EMC8: variants seen among roughly 807,000 people sequenced by gnomAD.
EMC8 encodes ER membrane protein complex subunit 8, also known as COX4 neighbor.
EMC8 carries 11 observed loss-of-function variants against 24.3 expected under a neutral mutation model. That is an observed-to-expected ratio of 0.45 (90% confidence interval 0.28 to 0.75). The LOEUF is 0.75. Ranked by LOEUF, EMC8 falls within the 30% of genes least tolerant of loss-of-function variation. The pLI is 0.12. For missense variants in EMC8, 277 were observed against 282.7 expected (o/e 0.98, Z 0.14); for synonymous variants, 145 against 117.7 (o/e 1.23, Z -1.50).
intron 1 of EMC8, among the ~76,000 whole-genome samples, chr16:85,796,725 G>C (rs989678382): frequency 2.6e-5 from 4 of 152,138 alleles, no homozygotes; most frequent in Non-Finnish European, 5.9e-5. Flanking sequence ...CTGGTCCCTT[G>C]AATGTTCTCC....
At chr16:85,782,434 TCTATC>T (rs2152072681) in intron 2 of EMC8, among the ~76,000 whole-genome samples, 1 of 152,338 alleles carries the variant, frequency 6.6e-6, no homozygotes, top group East Asian at 1.9e-4. Flanking sequence ...AAGTTATTCT[TCTATC>T]CTATGCCAGG....
chr16:85,798,127 T>G (rs1410784704), intron 1 of EMC8, among the ~76,000 whole-genome samples: 2 of 142,068 alleles, frequency 1.4e-5, no homozygotes, highest in Non-Finnish European at 3.1e-5. Flanking sequence ...TTTTTTTTTT[T>G]TTTTTTTTTT....
intron 1 of EMC8, among the ~76,000 whole-genome samples, chr16:85,797,945 T>G (rs1417352853): frequency 6.6e-6 from 1 of 152,158 alleles, no homozygotes. Context: ...TTCCCTTCAT[T>G]GATCACCGGA....
chr16:85,798,413 C>T (rs1165093704), intron 1 of EMC8, among the ~76,000 whole-genome samples: 1 of 152,130 alleles, frequency 6.6e-6, no homozygotes, highest in African/African-American at 2.4e-5. Flanking sequence ...TCAGCCACCG[C>T]GCCCGGCCCC....
At chr16:85,780,521 C>T (rs1020424457) in intron 3 of EMC8, 48 bp from the exon 4 acceptor site, 3 of 1,425,376 alleles carry the variant, frequency 2.1e-6, no homozygotes, top group African/African-American at 1.4e-5. Flanking sequence ...GCCAGCCAAA[C>T]AGCAGCGGCA....
intron 2 of EMC8, 33 bp downstream of exon 2, chr16:85,788,941 T>G: frequency 4.6e-6 from 7 of 1,534,474 alleles, no homozygotes; most frequent in Non-Finnish European, 6.3e-6. Flanking sequence ...CGTGCTCACT[T>G]CCTCGCCCAC....
At chr16:85,788,826 A>G in intron 2 of EMC8, 148 bp downstream of exon 2, 2 of 667,872 alleles carry the variant, frequency 3.0e-6, no homozygotes, top group African/African-American at 1.8e-5. Flanking sequence ...TATCCACACC[A>G]CAGTTCGCCT....
chr16:85,794,128 T>C (rs1049587773), intron 1 of EMC8, among the ~76,000 whole-genome samples: 4 of 152,226 alleles, frequency 2.6e-5, no homozygotes, highest in African/African-American at 9.6e-5. Flanking sequence ...TTTAGATGCT[T>C]TGTGAAAACT....
chr16:85,792,083 T>C (rs1905037859), intron 1 of EMC8, among the ~76,000 whole-genome samples: 1 of 152,208 alleles, frequency 6.6e-6, no homozygotes, highest in Admixed American at 6.5e-5. Context: ...TCCATCTCTT[T>C]CCTGGGCTGA....
chr16:85,789,149 A>T, intron 1 of EMC8, 99 bp from the exon 2 acceptor site: 2 of 825,346 alleles, frequency 2.4e-6, no homozygotes, highest in South Asian at 2.7e-5. Context: ...GGGACAAGAC[A>T]TGACAGAATC....
intron 2 of EMC8, among the ~76,000 whole-genome samples, chr16:85,786,424 T>C (rs1859679439): frequency 6.6e-6 from 1 of 152,226 alleles, no homozygotes; most frequent in Admixed American, 6.5e-5. Context: ...CTGTGTGGCC[T>C]CTGAGAAGCC....
chr16:85,789,300 G>T (rs1444702471), intron 1 of EMC8, among the ~76,000 whole-genome samples: 1 of 152,174 alleles, frequency 6.6e-6, no homozygotes, highest in African/African-American at 2.4e-5. Flanking sequence ...TACTGGATTG[G>T]TACAGTGCTG....
intron 2 of EMC8, among the ~76,000 whole-genome samples, chr16:85,783,592 C>G (rs1448978802): frequency 6.6e-6 from 1 of 152,230 alleles, no homozygotes; most frequent in African/African-American, 2.4e-5. Context: ...ATGAAGGCTG[C>G]TATTCTCAGG....
chr16:85,799,218 G>T lies in EMC8; in HGVS notation c.78C>A (p.Val26=). 1.2e-6 allele frequency: 2 copies of T among 1,613,484 alleles called. No homozygotes were observed. The highest frequency in any genetic ancestry group is 8.5e-7 in the Non-Finnish European group (1 of 1,179,906). Residue 26 remains valine (V), a synonymous_variant, in exon 1 of 5, where the codon GTC becomes GTA. Transcript: ENST00000253457. The surrounding 1 kb of genome is among the most constrained non-coding windows in gnomAD (Gnocchi z 4.2). ...LHGAKYPHCA[V]NGLLVAEKQK... ...GCTTCTCGGCCACCAGGAGCCCGTT[G>T]ACGGCGCAGTGCGGGTACTTGGCGC...
chr16:85,798,949 C>T, intron 1 of EMC8, 116 bp downstream of exon 1: 1 of 699,020 alleles, frequency 1.4e-6, no homozygotes, highest in Non-Finnish European at 2.4e-6. Context: ...CCACGGCAAC[C>T]CTAGGGAGCG....
At chr16:85,785,176 G>A (rs1026947719) in intron 2 of EMC8, 7 of 152,268 alleles carry the variant, frequency 4.6e-5, no homozygotes, top group Non-Finnish European at 8.8e-5. Flanking sequence ...TTGAACACCT[G>A]GCTCAAGAAA....
At chr16:85,784,215 G>A (rs991339064) in intron 2 of EMC8, among the ~76,000 whole-genome samples, 4 of 152,128 alleles carry the variant, frequency 2.6e-5, no homozygotes, top group Non-Finnish European at 5.9e-5. Flanking sequence ...AGCCAGGATG[G>A]TCTCGATCTC....
At chr16:85,792,068 G>C (rs2152075731) in intron 1 of EMC8, among the ~76,000 whole-genome samples, 1 of 152,244 alleles carries the variant, frequency 6.6e-6, no homozygotes, top group Non-Finnish European at 1.5e-5. Context: ...GTCTCAGTTG[G>C]CTACTCCATC....
intron 1 of EMC8, among the ~76,000 whole-genome samples, chr16:85,795,404 C>T (rs552238283): frequency 6.6e-6 from 1 of 152,208 alleles, no homozygotes; most frequent in Non-Finnish European, 1.5e-5. Context: ...TGGTTTTCCT[C>T]CCCGTTCCTG....
Sources: gnomAD v4.1 joint callset for allele counts (sites outside exome capture counted in the v4.1 genomes callset) on GRCh38, gnomAD v4.1.1 for gene constraint, Gnocchi (gnomAD v3.1) non-coding constraint, MANE v1.5 for transcripts, NCBI Gene and HGNC (gene_info 2026-07-23, HGNC 2026-07-21) for gene names.